CD163: variants seen among roughly 807,000 people sequenced by gnomAD.
CD163 encodes CD163 molecule, also known as scavenger receptor cysteine-rich type 1 protein M130.
A neutral mutation model predicts 129.2 loss-of-function variants in CD163; 64 were observed. The ratio of observed to expected loss-of-function variants is 0.50; its 90% CI spans 0.41 to 0.61. The LOEUF (loss-of-function observed/expected upper bound fraction) is 0.61. CD163 is among the 20% of genes least tolerant of loss of function. The pLI is 0.00. For missense variants in CD163, 1,061 were observed against 1,377.9 expected (o/e 0.77, Z 3.64); for synonymous variants, 446 against 478.5 (o/e 0.93, Z 0.89).
chr12:7,489,878 T>A (rs941461089), intron 6 of CD163, among the ~76,000 whole-genome samples: 1 of 152,068 alleles, frequency 6.6e-6, no homozygotes, highest in Admixed American at 6.6e-5. Context: ...TATCTATTAC[T>A]TTATCAACCT....
In CD163 at chr12:7,487,236, C is replaced by G; in HGVS notation, c.2050+123G>C. 2 of 1,114,606 alleles carry G rather than the reference C, an allele frequency of 1.8e-6. No homozygotes were observed. The highest frequency in any genetic ancestry group is 2.5e-6 in the Non-Finnish European group (2 of 800,164). The allele number at this position is 1,114,606 out of a possible 1,614,324, so 69.0% of individuals were successfully genotyped here. Reference sequence around the variant, plus strand: ...GACAAATGAGGTTAATATTCTGAAGCATGAATTAGTATTCATTCTTCTCAT... The same window carrying G: ...GACAAATGAGGTTAATATTCTGAAGGATGAATTAGTATTCATTCTTCTCAT... On this transcript the variant is annotated intron_variant, in intron 8 of 16. Transcript: ENST00000432237. This position sits in a 1 kb window ranked among gnomAD's most constrained non-coding sequence, Gnocchi z 5.1.
intron 15 of CD163, 70 bp from the exon 16 acceptor site, chr12:7,479,983 C>T: frequency 1.2e-6 from 2 of 1,608,848 alleles, no homozygotes; most frequent in Non-Finnish European, 1.7e-6. Flanking sequence ...AATCAGCTGA[C>T]TCATGGGAAT....
chr12:7,481,065 AC>A, intron 15 of CD163, 95 bp downstream of exon 15: 1 of 1,500,610 alleles, frequency 6.7e-7, no homozygotes, highest in Non-Finnish European at 8.9e-7. Context: ...ACATTTTTAG[AC>A]TTTTTTAACT....
Position 7,498,856 on chromosome 12 carries a change from A to T in CD163, c.778+12T>A. ...CTCCTGGAGAATAGAATGAGCCAAGATCAGTCCTTACTTGAGCAAATCACT... is the reference window on the plus strand; with the variant it reads ...CTCCTGGAGAATAGAATGAGCCAAGTTCAGTCCTTACTTGAGCAAATCACT... On this transcript the variant is annotated intron_variant, in intron 4 of 16. Coordinates refer to ENST00000432237, the MANE Select transcript of CD163 (RefSeq NM_203416.4). 1 of 1,608,898 alleles carries T rather than the reference A, an allele frequency of 6.2e-7. No individual in the cohort carries two copies. The highest frequency in any genetic ancestry group is 1.1e-5 in the South Asian group (1 of 90,396).
chr12:7,487,218 G>A lies in CD163; in HGVS notation c.2050+141C>T, dbSNP rs1949263561. The A allele has an allele frequency of 5.7e-6, 6 of 1,049,054 alleles. No homozygotes were observed. Among genetic ancestry groups the A allele is most frequent in the Non-Finnish European group, 8.1e-6 (6 of 743,966 alleles). The allele number at this position is 1,049,054 out of a possible 1,614,324, so 65.0% of individuals were successfully genotyped here. On this transcript the variant is annotated intron_variant, in intron 8 of 16. Coordinates refer to ENST00000432237, the MANE Select transcript of CD163 (RefSeq NM_203416.4). The surrounding 1 kb of genome is among the most constrained non-coding windows in gnomAD (Gnocchi z 5.1). ...TTGCTCACCCTCTGAAAAGACAAAT[G>A]AGGTTAATATTCTGAAGCATGAATT...
At chr12:7,488,340 A>G (rs1949285191) in intron 6 of CD163, among the ~76,000 whole-genome samples, 1 of 152,194 alleles carries the variant, frequency 6.6e-6, no homozygotes, top group Non-Finnish European at 1.5e-5. Context: ...CCCAAAGGCA[A>G]TGATAACTCT....
In CD163 at chr12:7,501,297, G is replaced by C; in HGVS notation, c.299C>G (p.Ala100Gly). 6.2e-7 allele frequency: 1 copy of C among 1,614,146 alleles called. No homozygotes were observed. The highest frequency in any genetic ancestry group is 8.5e-7 in the Non-Finnish European group (1 of 1,180,020). ...TGCACTGGAATTAGCCCATCCAGGG[G>C]CTTTGATAGCAGTTGGACATCCCAG... ...NQLGCPTAIKAPGWANSSAGS... is the reference protein window; with the variant it reads ...NQLGCPTAIKGPGWANSSAGS... Residue 100 changes from alanine to glycine, a missense_variant, in exon 3 of 17, where the codon GCC becomes GGC. Physicochemically the swap from Ala to Gly is moderately conservative, Grantham distance 60. Transcript: ENST00000432237.
rs1466559012 is a variant in CD163, at chr12:7,487,864, C to T, written c.1644G>A (p.Glu548=). 5 of 1,613,958 alleles carry T rather than the reference C, an allele frequency of 3.1e-6. No homozygotes were observed. Among genetic ancestry groups the T allele is most frequent in the African/African-American group, 1.3e-5 (1 of 74,906 alleles). Reference sequence around the variant, plus strand: ...AGAGTGAAAGATGGGACTCATGTCCCTCACACTGGAATTCTTCAGCCCAGA... The same window carrying T: ...AGAGTGAAAGATGGGACTCATGTCCTTCACACTGGAATTCTTCAGCCCAGA... ...GQIWAEEFQC[E]GHESHLSLCP... The change falls in exon 7 of 17, where the codon GAG becomes GAA. Residue 548 remains glutamate, a synonymous_variant. Transcript: ENST00000432237. The surrounding 1 kb of genome is among the most constrained non-coding windows in gnomAD (Gnocchi z 5.1).
At chr12:7,482,911 A>T (rs151044109) in intron 13 of CD163, 55 bp downstream of exon 13, 20 of 1,597,908 alleles carry the variant, frequency 1.3e-5, no homozygotes, top group Non-Finnish European at 1.6e-5. Context: ...TCTAAACAAG[A>T]AAAATTCTAT....
chr12:7,497,930 A>T (rs1429885458), intron 4 of CD163, among the ~76,000 whole-genome samples: 1 of 152,204 alleles, frequency 6.6e-6, no homozygotes, highest in African/African-American at 2.4e-5. Flanking sequence ...ATTGTGGTTC[A>T]GGCTATAGCT....
At chr12:7,492,479 T>TA (rs920743655) in intron 6 of CD163, among the ~76,000 whole-genome samples, 7 of 152,150 alleles carry the variant, frequency 4.6e-5, no homozygotes, top group African/African-American at 1.7e-4. Context: ...TAAGGAGTCT[T>TA]ACACATGGTA....
Position 7,497,113 on chromosome 12 carries a change from T to G in CD163, c.799A>C (p.Arg267=), listed in dbSNP as rs1482763456. The G allele has an allele frequency of 1.9e-6, 3 of 1,613,868 alleles. No individual in the cohort carries two copies. The Admixed American group carries it at 5.0e-5, about 27-fold the overall frequency. The change falls in exon 5 of 17, where the codon AGA becomes CGA. Residue 267 remains arginine, a synonymous_variant. Transcript: ENST00000432237. ...ICSKGADLSL[R]LVDGVTECSG... is the part of the protein sequence containing the mutation. ...CATTCAGTGACTCCATCTACCAGTC[T>G]CAGGCTCAGATCTGCTCCCTCTGTA...
chr12:7,495,471 C>A, intron 5 of CD163, 70 bp from the exon 6 acceptor site: 1 of 1,379,128 alleles, frequency 7.3e-7, no homozygotes, highest in Non-Finnish European at 1.0e-6. Context: ...TTTTTTTTGT[C>A]TTTTTTCTTC....
chr12:7,484,929 A>G (rs756420462), intron 11 of CD163, among the ~76,000 whole-genome samples, 167 bp downstream of exon 11: 105 of 152,222 alleles, frequency 6.9e-4, no homozygotes, highest in Non-Finnish European at 7.5e-4. Context: ...AACCAGTTAC[A>G]CTATCCAGGT....
At chr12:7,486,854 T>C (rs758643459) in intron 9 of CD163, 40 bp downstream of exon 9, 1 of 1,606,104 alleles carries the variant, frequency 6.2e-7, no homozygotes, top group South Asian at 1.1e-5. Flanking sequence ...AGCATTCCAC[T>C]TGTTATTAAT....
chr12:7,476,976 CAT>C (rs1263687056), intron 16 of CD163, among the ~76,000 whole-genome samples: 1 of 152,156 alleles, frequency 6.6e-6, no homozygotes, highest in Non-Finnish European at 1.5e-5. Flanking sequence ...GGCCAATAAA[CAT>C]GTGAAGAAAG....
intron 16 of CD163, among the ~76,000 whole-genome samples, chr12:7,476,928 G>T (rs963748025): frequency 6.6e-6 from 1 of 152,142 alleles, no homozygotes. Context: ...GTGGGCAAAG[G>T]ATATGAACAG....
chr12:7,483,173 G>T (rs1949187501), intron 12 of CD163, 169 bp from the exon 13 acceptor site: 2 of 794,100 alleles, frequency 2.5e-6, no homozygotes, highest in South Asian at 3.5e-5. Context: ...AATATAGGTT[G>T]TATGTGTCTC....
At chr12:7,486,836 T>C in intron 9 of CD163, 23 bp from the exon 10 acceptor site, 3 of 1,606,680 alleles carry the variant, frequency 1.9e-6, no homozygotes, top group Non-Finnish European at 2.6e-6. Flanking sequence ...ATGAAACTAT[T>C]AATAATGAGC....
Sources: gnomAD v4.1 joint callset for allele counts (sites outside exome capture counted in the v4.1 genomes callset) on GRCh38, gnomAD v4.1.1 for gene constraint, Gnocchi (gnomAD v3.1) non-coding constraint, MANE v1.5 for transcripts, NCBI Gene and HGNC (gene_info 2026-07-23, HGNC 2026-07-21) for gene names.